The following ARHGAP21 variants were observed in gnomAD, a reference collection of about 807,000 sequenced individuals.
ARHGAP21 encodes the protein rho GTPase-activating protein 21.
ARHGAP21 carries 38 observed loss-of-function variants against 164.6 expected under a neutral mutation model. The observed-to-expected ratio is 0.23, with a 90% CI of 0.18 to 0.30. The LOEUF (loss-of-function observed/expected upper bound fraction) is 0.30. Among genes scored for constraint, ARHGAP21 ranks in the 10% least tolerant of loss-of-function variants. ARHGAP21 has a pLI of 1.00. For synonymous variants in ARHGAP21, 766 were observed against 857.9 expected (o/e 0.89, Z 1.87); for missense variants, 1,822 against 2,370.7 (o/e 0.77, Z 4.81).
chr10:24,590,027 T>A (rs1303199842), intron 24 of ARHGAP21: 2 of 311,782 alleles, frequency 6.4e-6, no homozygotes, highest in African/African-American at 4.4e-5. Flanking sequence ...AAACTCAGAT[T>A]ATACAATTAT....
At chr10:24,698,872 G>A (rs1843395777) in intron 2 of ARHGAP21, among the ~76,000 whole-genome samples, 1 of 152,082 alleles carries the variant, frequency 6.6e-6, no homozygotes, top group Non-Finnish European at 1.5e-5. Flanking sequence ...TGCTCACATA[G>A]GCTCAATGTT....
intron 4 of ARHGAP21, among the ~76,000 whole-genome samples, chr10:24,653,467 T>C (rs1430773773): frequency 2.0e-5 from 3 of 151,994 alleles, no homozygotes; most frequent in African/African-American, 7.3e-5. Context: ...TCCCAGCTAC[T>C]TGGGAGGCTG....
chr10:24,664,185 T>C (rs1367585558), intron 4 of ARHGAP21, among the ~76,000 whole-genome samples: 4 of 152,168 alleles, frequency 2.6e-5, no homozygotes, highest in Non-Finnish European at 5.9e-5. Flanking sequence ...ATAATGTGTA[T>C]CCTTAACTGA....
At chr10:24,675,027 A>C (rs373009509) in intron 2 of ARHGAP21, among the ~76,000 whole-genome samples, 1 of 152,222 alleles carries the variant, frequency 6.6e-6, no homozygotes, top group Non-Finnish European at 1.5e-5. Flanking sequence ...ACAGTCTGAC[A>C]GTTTCTTAAG....
intron 4 of ARHGAP21, among the ~76,000 whole-genome samples, chr10:24,659,606 C>T (rs563579788): frequency 9.9e-5 from 15 of 152,230 alleles, no homozygotes; most frequent in African/African-American, 3.4e-4. Flanking sequence ...TAAGCCACTG[C>T]GCCCGGCCCA....
chr10:24,595,920 T>G lies in ARHGAP21; in HGVS notation c.3601A>C (p.Lys1201Gln). 6.2e-7 allele frequency: 1 copy of G among 1,613,508 alleles called. No homozygotes were observed. Among genetic ancestry groups the G allele is most frequent in the Non-Finnish European group, 8.5e-7 (1 of 1,179,754 alleles). ...AISSMQEELN[K>Q]GMADIDIQDD... ...TGTATATCAATATCAGCCATTCCCT[T>G]GTTGAGTTCTTCTTGCATACTTGAG... The change falls in exon 18 of 26, where the codon AAG becomes CAG. Residue 1201 changes from lysine (K) to glutamine (Q), a missense_variant. By Grantham distance (53) the Lys-to-Gln change is moderately conservative. This residue lies in a region of ARHGAP21 where 117 missense variants were observed against 238.1 expected (regional missense o/e 0.49). Transcript: ENST00000396432.
chr10:24,637,009 C>T (rs899262549), intron 4 of ARHGAP21, among the ~76,000 whole-genome samples: 1 of 152,158 alleles, frequency 6.6e-6, no homozygotes, highest in African/African-American at 2.4e-5. Flanking sequence ...TGAATTAATA[C>T]ATTTATTATT....
At chr10:24,603,697 G>A (rs1244163179) in intron 12 of ARHGAP21, among the ~76,000 whole-genome samples, 1 of 152,028 alleles carries the variant, frequency 6.6e-6, no homozygotes, top group African/African-American at 2.4e-5. Flanking sequence ...AGCAAGTGTG[G>A]GTATAAAGGC....
intron 21 of ARHGAP21, 80 bp from the exon 22 acceptor site, chr10:24,592,092 A>G: frequency 7.9e-7 from 1 of 1,267,090 alleles, no homozygotes; most frequent in Non-Finnish European, 1.0e-6. Context: ...AGGATTTTTG[A>G]TGAAAAAGAA....
At chr10:24,692,485 T>C (rs1842831049) in intron 2 of ARHGAP21, among the ~76,000 whole-genome samples, 1 of 152,360 alleles carries the variant, frequency 6.6e-6, no homozygotes, top group South Asian at 2.1e-4. Flanking sequence ...CAGCTCTATA[T>C]TTTGGAAACA....
At chr10:24,691,020 T>C (rs950932976) in intron 2 of ARHGAP21, among the ~76,000 whole-genome samples, 1 of 151,800 alleles carries the variant, frequency 6.6e-6, no homozygotes, top group African/African-American at 2.4e-5. Flanking sequence ...AAATTACAAA[T>C]TGGGGTTAAC....
chr10:24,637,425 T>C (rs1208010198), intron 4 of ARHGAP21, among the ~76,000 whole-genome samples: 1 of 152,220 alleles, frequency 6.6e-6, no homozygotes, highest in Non-Finnish European at 1.5e-5. Flanking sequence ...TAAGTCTTGT[T>C]GCATCAAGTC....
chr10:24,633,879 T>TTC (rs374706055), intron 5 of ARHGAP21, among the ~76,000 whole-genome samples: 2 of 139,960 alleles, frequency 1.4e-5, no homozygotes, highest in African/African-American at 2.6e-5. Flanking sequence ...CTGTCTTTTT[T>TTC]TCTCTTTTTT....
chr10:24,685,910 A>T (rs1292910637), intron 2 of ARHGAP21, among the ~76,000 whole-genome samples: 1 of 152,178 alleles, frequency 6.6e-6, no homozygotes, highest in African/African-American at 2.4e-5. Context: ...AAAAGATATT[A>T]AGCTAAAACA....
chr10:24,653,583 A>AT (rs1398312483), intron 4 of ARHGAP21, among the ~76,000 whole-genome samples: 2 of 151,970 alleles, frequency 1.3e-5, no homozygotes, highest in Non-Finnish European at 1.5e-5. Context: ...AAAAAAAAAA[A>AT]AATTAAAAAA....
At chr10:24,604,370 A>C in intron 11 of ARHGAP21, 22 bp from the exon 12 acceptor site, 1 of 1,541,788 alleles carries the variant, frequency 6.5e-7, no homozygotes, top group East Asian at 2.3e-5. Context: ...AAAATATATA[A>C]ATATTTTCAA....
chr10:24,674,931 A>G (rs1841067577), intron 2 of ARHGAP21, among the ~76,000 whole-genome samples: 1 of 152,196 alleles, frequency 6.6e-6, no homozygotes, highest in Non-Finnish European at 1.5e-5. Flanking sequence ...TATAAAAACT[A>G]ACCATACTGA....
At chr10:24,627,459 G>C (rs1412151224) in intron 7 of ARHGAP21, among the ~76,000 whole-genome samples, 1 of 70,098 alleles carries the variant, frequency 1.4e-5, no homozygotes, top group Non-Finnish European at 3.6e-5. Flanking sequence ...ATTCAAATGT[G>C]AATTAAGGTT....
At chr10:24,656,396 G>C (rs1279223147) in intron 4 of ARHGAP21, among the ~76,000 whole-genome samples, 2 of 100,838 alleles carry the variant, frequency 2.0e-5, no homozygotes, top group Non-Finnish European at 4.1e-5. Flanking sequence ...AGGTGGGGGG[G>C]TCAGCCCTCC....
Sources: allele counts gnomAD v4.1 joint callset (sites outside exome capture counted in the v4.1 genomes callset), GRCh38; gene constraint gnomAD v4.1.1; regional missense constraint gnomAD v4.1.1; transcripts MANE v1.5; gene names NCBI Gene and HGNC (gene_info 2026-07-23, HGNC 2026-07-21).